TRAPPC9: variants seen among roughly 807,000 people sequenced by gnomAD.
The protein encoded by TRAPPC9 is trafficking protein particle complex subunit 9, also known as IKK2 binding protein.
In TRAPPC9, 83 loss-of-function variants were observed where a neutral mutation model predicts 124.0. The ratio of observed to expected loss-of-function variants is 0.67; its 90% confidence interval spans 0.56 to 0.80. The LOEUF (loss-of-function observed/expected upper bound fraction) is 0.80. TRAPPC9 is among the 30% of genes least tolerant of loss of function. TRAPPC9 has a pLI of 0.00. For missense variants in TRAPPC9, 1,302 were observed against 1,508.3 expected (o/e 0.86, Z 2.27); for synonymous variants, 638 against 617.5 (o/e 1.03, Z -0.49).
At chr8:140,275,857 GGAA>G (rs1563908519) in intron 14 of TRAPPC9, 36 bp from the exon 15 acceptor site, 3 of 1,563,724 alleles carry the variant, frequency 1.9e-6, no homozygotes, top group Non-Finnish European at 2.6e-6. Flanking sequence ...GAAGAAAGAA[GGAA>G]GAAGCCAAGG....
In TRAPPC9 at chr8:140,410,077, G is replaced by A. The variant is rs540339620; in HGVS notation, c.887-4379C>T. 8.2e-5 allele frequency among the ~76,000 whole-genome samples: 12 copies of A among 146,042 alleles called. No individual in the cohort carries two copies. In the South Asian group the frequency reaches 2.6e-3, roughly 32 times the overall value. ...GACTGCTTGAGCCCAGAAGGCCAAG[G>A]CTGCAGTGAGCTGTGATCATGCCAC... On this transcript the variant is annotated intron_variant, in intron 5 of 22. Transcript: ENST00000438773.
intron 17 of TRAPPC9, among the ~76,000 whole-genome samples, chr8:140,154,059 C>T (rs933972812): frequency 1.3e-5 from 2 of 152,190 alleles, no homozygotes; most frequent in Non-Finnish European, 2.9e-5. Flanking sequence ...CAGCTGTCGA[C>T]TTTGCTTGGA....
At chr8:140,304,068 G>A (rs1284992750) in intron 10 of TRAPPC9, among the ~76,000 whole-genome samples, 1 of 152,002 alleles carries the variant, frequency 6.6e-6, no homozygotes, top group Non-Finnish European at 1.5e-5. Context: ...TATGTCATAG[G>A]GGCTGACCTG....
chr8:140,041,697 C>T (rs1326168514), intron 17 of TRAPPC9, among the ~76,000 whole-genome samples: 1 of 152,224 alleles, frequency 6.6e-6, no homozygotes, highest in East Asian at 1.9e-4. Flanking sequence ...CTGGGCCAAG[C>T]GCAGTGGCTC....
At chr8:140,112,891 A>G (rs961152405) in intron 17 of TRAPPC9, among the ~76,000 whole-genome samples, 25 of 148,474 alleles carry the variant, frequency 1.7e-4, no homozygotes, top group African/African-American at 6.2e-4. Flanking sequence ...CCCAGTCTGA[A>G]GTGCAGTGGC....
chr8:140,002,712 G>C (rs528561621), intron 18 of TRAPPC9, among the ~76,000 whole-genome samples: 1 of 151,906 alleles, frequency 6.6e-6, no homozygotes, highest in East Asian at 1.9e-4. Flanking sequence ...TAGTTCTCTG[G>C]AGCAGAATAA....
intron 21 of TRAPPC9, among the ~76,000 whole-genome samples, chr8:139,796,015 TGAG>T (rs1170965821): frequency 5.7e-5 from 7 of 121,780 alleles, no homozygotes; most frequent in African/African-American, 2.2e-4. Context: ...AAGAGGAGGA[TGAG>T]GAGGAGGAAG....
chr8:140,236,099 T>TA (rs35210825), intron 16 of TRAPPC9, among the ~76,000 whole-genome samples: 5 of 141,990 alleles, frequency 3.5e-5, no homozygotes, highest in East Asian at 4.5e-4. Flanking sequence ...TTTTTTTTTT[T>TA]TGAGACAGAG....
At chr8:140,265,127 G>A (rs1563895512) in intron 15 of TRAPPC9, among the ~76,000 whole-genome samples, 2 of 152,130 alleles carry the variant, frequency 1.3e-5, no homozygotes, top group Non-Finnish European at 2.9e-5. Context: ...AAACCAGGAG[G>A]GCAACAGGCC....
At chr8:140,394,323 T>A (rs2069024366) in intron 7 of TRAPPC9, among the ~76,000 whole-genome samples, 1 of 152,122 alleles carries the variant, frequency 6.6e-6, no homozygotes, top group African/African-American at 2.4e-5. Flanking sequence ...ACAAAAGATG[T>A]CTCTTTACAC....
chr8:139,893,912 C>T (rs917030768), intron 20 of TRAPPC9, among the ~76,000 whole-genome samples: 1 of 152,252 alleles, frequency 6.6e-6, no homozygotes, highest in African/African-American at 2.4e-5. Context: ...ACGTGATGCT[C>T]ACAGAGCGGA....
chr8:140,395,812 G>A lies in TRAPPC9; in HGVS notation c.1134+1808C>T, dbSNP rs549725346. Among the ~76,000 whole-genome samples, 108 of 151,624 alleles carry A rather than the reference G, an allele frequency of 7.1e-4. 1 individual carries two copies. Among genetic ancestry groups the A allele is most frequent in the Admixed American group, 1.5e-3 (23 of 15,234 alleles). ...GAGCCCCCAGACCCACACCTCTCTC[G>A]TTATGTGAGAAGCTGAACCTCTCCT... On this transcript the variant is annotated intron_variant, in intron 7 of 22. Coordinates refer to ENST00000438773, the MANE Select transcript of TRAPPC9 (RefSeq NM_001160372.4).
At chr8:139,754,408 GAGCCACAGTCCAC>G (rs1397917485) in intron 21 of TRAPPC9, among the ~76,000 whole-genome samples, 2 of 152,358 alleles carry the variant, frequency 1.3e-5, no homozygotes, top group South Asian at 4.1e-4. Flanking sequence ...ATCAAGGCCA[GAGCCACAGTCCAC>G]AGGCACTCTG....
rs146557241 is a variant in TRAPPC9 at position 139,991,878 on chromosome 8, G to C, written c.2700-3042C>G. 5.3e-5 allele frequency among the ~76,000 whole-genome samples: 8 copies of C among 152,196 alleles called. No individual in the cohort carries two copies. The East Asian group carries it at 1.4e-3, about 26-fold the overall frequency. ...CACTCTGATACAGTGAGTGGGCACT[G>C]TTTATTCAGCCCCAAATTGGAGATT... On this transcript the variant is annotated intron_variant, in intron 18 of 22. Transcript: ENST00000438773.
chr8:139,947,636 G>C (rs1834309872), intron 19 of TRAPPC9, among the ~76,000 whole-genome samples: 1 of 151,782 alleles, frequency 6.6e-6, no homozygotes, highest in Admixed American at 6.6e-5. Flanking sequence ...TAGGCAGGTG[G>C]ATCACCTGAA....
Position 140,087,741 on chromosome 8 carries a change from C to T in TRAPPC9, c.2557-63662G>A, listed in dbSNP as rs376689025. On this transcript the variant is annotated intron_variant, in intron 17 of 22. Coordinates refer to ENST00000438773, the MANE Select transcript of TRAPPC9 (RefSeq NM_001160372.4). The surrounding 1 kb of genome is among the most constrained non-coding windows in gnomAD (Gnocchi z 4.6). Reference sequence around the variant, plus strand: ...CGTCTCCCCTGCCTCTACTCGTCCACGTTTCCCTCTCCACCCTGCAATCCA... The same window carrying T: ...CGTCTCCCCTGCCTCTACTCGTCCATGTTTCCCTCTCCACCCTGCAATCCA... 5.3e-5 allele frequency among the ~76,000 whole-genome samples: 8 copies of T among 152,314 alleles called. No homozygotes were observed. The highest frequency in any genetic ancestry group is 1.9e-4 in the East Asian group (1 of 5,182).
chr8:140,343,263 G>A lies in TRAPPC9; in HGVS notation c.1495+16787C>T, dbSNP rs528249691. On this transcript the variant is annotated intron_variant, in intron 9 of 22. Coordinates refer to ENST00000438773, the MANE Select transcript of TRAPPC9 (RefSeq NM_001160372.4). ...CCTGAGCCCAGCAGTGCTGGGCTGC[G>A]GCCTCAACCCTCACTCTCCAAGGAT... Among the ~76,000 whole-genome samples the A allele has an allele frequency of 1.2e-4, 18 of 152,306 alleles. No homozygotes were observed. The South Asian group carries it at 3.3e-3, about 28-fold the overall frequency.
At chr8:140,053,641 T>C (rs1842125922) in intron 17 of TRAPPC9, among the ~76,000 whole-genome samples, 1 of 152,236 alleles carries the variant, frequency 6.6e-6, no homozygotes, top group South Asian at 2.1e-4. Context: ...ATGTTATCCA[T>C]TCTTGAAAGT....
intron 18 of TRAPPC9, among the ~76,000 whole-genome samples, chr8:140,019,542 CTTTTTTTT>C (rs71320340): frequency 6.8e-5 from 3 of 43,838 alleles, no homozygotes; most frequent in Non-Finnish European, 1.2e-4. Flanking sequence ...TAATTTGTGT[CTTTTTTTT>C]TTTTTTTTTT....
Sources: gnomAD v4.1 joint callset for allele counts (sites outside exome capture counted in the v4.1 genomes callset) on GRCh38, gnomAD v4.1.1 for gene constraint, Gnocchi (gnomAD v3.1) non-coding constraint, MANE v1.5 for transcripts, NCBI Gene and HGNC (gene_info 2026-07-23, HGNC 2026-07-21) for gene names.